The following JAZF1 variants were observed in gnomAD, a reference collection of about 807,000 sequenced individuals.
JAZF1 encodes juxtaposed with another zinc finger protein 1.
JAZF1 carries 8 observed loss-of-function variants against 26.4 expected under a neutral mutation model. The ratio of observed to expected loss-of-function variants is 0.30; its 90% confidence interval spans 0.18 to 0.55. The LOEUF is 0.55. Among genes scored for constraint, JAZF1 ranks in the 20% least tolerant of loss-of-function variants. The pLI is 0.94. For synonymous variants in JAZF1, 126 were observed against 122.3 expected, an observed-to-expected ratio of 1.03 and a Z score of -0.20; for missense variants, 199 against 322.0, an observed-to-expected ratio of 0.62 and a Z score of 2.92.
chr7:28,076,908 T>G (rs897505251), intron 1 of JAZF1, among the ~76,000 whole-genome samples: 4 of 152,164 alleles, frequency 2.6e-5, no homozygotes, highest in African/African-American at 9.7e-5. Context: ...ATCTAGAGAC[T>G]GCTTGTCAAG....
intron 1 of JAZF1, among the ~76,000 whole-genome samples, chr7:28,038,097 CAA>C (rs1375635033): frequency 6.6e-6 from 1 of 151,972 alleles, no homozygotes; most frequent in Non-Finnish European, 1.5e-5. Context: ...TGGTACCAAA[CAA>C]AGGAAGAAAA....
intron 4 of JAZF1, among the ~76,000 whole-genome samples, chr7:27,838,303 C>T (rs899703989): frequency 2.6e-5 from 4 of 152,126 alleles, no homozygotes; most frequent in Admixed American, 6.5e-5. Flanking sequence ...GGGCAGGGAG[C>T]GTCCTAGGCT....
chr7:27,966,291 TC>T (rs1370268502), intron 2 of JAZF1, among the ~76,000 whole-genome samples: 1 of 152,172 alleles, frequency 6.6e-6, no homozygotes, highest in East Asian at 1.9e-4. Flanking sequence ...GTGCTGCTTT[TC>T]TTTAATCCCT....
At chr7:27,989,038 ATAC>A (rs1276542336) in intron 2 of JAZF1, among the ~76,000 whole-genome samples, 1 of 152,092 alleles carries the variant, frequency 6.6e-6, no homozygotes, top group Non-Finnish European at 1.5e-5. Flanking sequence ...ACTTCAAACT[ATAC>A]TACAAGGCTA....
At chr7:27,857,401 C>T (rs987287019) in intron 3 of JAZF1, among the ~76,000 whole-genome samples, 7 of 152,228 alleles carry the variant, frequency 4.6e-5, no homozygotes, top group Non-Finnish European at 8.8e-5. Flanking sequence ...TCCCTCCACA[C>T]CTCCCCACAA....
At chr7:28,067,403 T>C (rs186030394) in intron 1 of JAZF1, among the ~76,000 whole-genome samples, 1 of 152,308 alleles carries the variant, frequency 6.6e-6, no homozygotes, top group African/African-American at 2.4e-5. Context: ...AAGGAATCCC[T>C]TGCTGCTCCT....
chr7:27,868,000 G>C (rs1783507994), intron 3 of JAZF1, among the ~76,000 whole-genome samples: 1 of 152,192 alleles, frequency 6.6e-6, no homozygotes, highest in Non-Finnish European at 1.5e-5. Flanking sequence ...TGGGTTCCAT[G>C]TTGGTTTCTT....
At chr7:27,897,002 T>C (rs530708556) in intron 2 of JAZF1, among the ~76,000 whole-genome samples, 4 of 152,342 alleles carry the variant, frequency 2.6e-5, no homozygotes, top group Non-Finnish European at 4.4e-5. Context: ...CTGGTTCTAT[T>C]GTCCTTAAAC....
intron 2 of JAZF1, among the ~76,000 whole-genome samples, chr7:27,987,882 C>T (rs953620601): frequency 1.3e-5 from 2 of 152,190 alleles, no homozygotes; most frequent in African/African-American, 2.4e-5. Flanking sequence ...TAATCTATAA[C>T]CTTACCCCCA....
intron 1 of JAZF1, among the ~76,000 whole-genome samples, chr7:28,038,837 T>A (rs1272129014): frequency 6.6e-6 from 1 of 152,232 alleles, no homozygotes; most frequent in African/African-American, 2.4e-5. Flanking sequence ...GGTAGTTTAG[T>A]ACATATTCAG....
At chr7:27,942,431 C>A (rs1037573895) in intron 2 of JAZF1, among the ~76,000 whole-genome samples, 7 of 152,204 alleles carry the variant, frequency 4.6e-5, no homozygotes, top group Non-Finnish European at 1.0e-4. Context: ...TGCAACCTGC[C>A]TTGGTAATAG....
At chr7:27,959,416 G>A (rs1217579720) in intron 2 of JAZF1, among the ~76,000 whole-genome samples, 1 of 152,186 alleles carries the variant, frequency 6.6e-6, no homozygotes, top group Non-Finnish European at 1.5e-5. Flanking sequence ...GATCATTTGA[G>A]CTATTAGCTT....
At chr7:28,120,507 T>TTTTC in intron 1 of JAZF1, among the ~76,000 whole-genome samples, 1 of 82,066 alleles carries the variant, frequency 1.2e-5, no homozygotes, top group African/African-American at 6.8e-5. Flanking sequence ...AGTTCTTTTT[T>TTTTC]TTTTTTTTTT....
At chr7:27,993,865 G>T (rs1033983404) in intron 1 of JAZF1, among the ~76,000 whole-genome samples, 1 of 152,090 alleles carries the variant, frequency 6.6e-6, no homozygotes. Flanking sequence ...GTATTATTTT[G>T]AAAGAAAAGG....
In JAZF1 at chr7:28,092,311, A is replaced by C. The variant is rs1195835787; in HGVS notation, c.115+88152T>G. Among the ~76,000 whole-genome samples the C allele has an allele frequency of 7.3e-4, 103 of 141,104 alleles. 1 individual carries two copies. In the East Asian group the frequency reaches 7.6e-3, roughly 10 times the overall value. 92.6% of individuals were successfully genotyped at this position (141,104 alleles called of 152,430 possible). ...AAGGCAAAAAAAAAAAAAAAAAAAA[A>C]AAAAAAAAAAAAAAACAACTAATGT... On this transcript the variant is annotated intron_variant, in intron 1 of 4. Coordinates refer to ENST00000283928, the MANE Select transcript of JAZF1 (RefSeq NM_175061.4).
chr7:28,041,889 T>C (rs1467154624), intron 1 of JAZF1, among the ~76,000 whole-genome samples: 2 of 152,168 alleles, frequency 1.3e-5, no homozygotes, highest in Admixed American at 6.5e-5. Flanking sequence ...TTTCAAAGAA[T>C]GGCTCCTTTC....
intron 1 of JAZF1, among the ~76,000 whole-genome samples, chr7:28,015,026 A>AGTGTGT (rs1169896668): frequency 4.3e-5 from 5 of 116,422 alleles, no homozygotes; most frequent in African/African-American, 1.3e-4. Context: ...AAAAGCAGAA[A>AGTGTGT]GTGTGTATGT....
chr7:27,889,517 T>C (rs1448880218), intron 3 of JAZF1, among the ~76,000 whole-genome samples: 1 of 152,086 alleles, frequency 6.6e-6, no homozygotes, highest in African/African-American at 2.4e-5. Context: ...GTTTTAATTA[T>C]AAAAAGAAAG....
intron 2 of JAZF1, chr7:27,913,442 C>A: frequency 4.6e-6 from 2 of 434,836 alleles, no homozygotes; most frequent in Admixed American, 2.7e-5. Context: ...AGGTCTGTCT[C>A]ATCTCCGCTG....
Sources: gnomAD v4.1 joint callset for allele counts (sites outside exome capture counted in the v4.1 genomes callset) on GRCh38, gnomAD v4.1.1 for gene constraint, MANE v1.5 for transcripts, NCBI Gene and HGNC (gene_info 2026-07-23, HGNC 2026-07-21) for gene names.